Variants in KIAA0232 observed in about 807,000 individuals in gnomAD.
KIAA0232 encodes uncharacterized protein KIAA0232.
In KIAA0232, 27 loss-of-function variants were observed where a neutral mutation model predicts 122.0. The ratio of observed to expected loss-of-function variants is 0.22; its 90% CI spans 0.16 to 0.31. The LOEUF is 0.31. Ranked by LOEUF, KIAA0232 falls within the 10% of genes least tolerant of loss-of-function variation. The pLI is 1.00. For synonymous variants in KIAA0232, 613 were observed against 587.6 expected (o/e 1.04, Z -0.63); for missense variants, 1,551 against 1,634.2 (o/e 0.95, Z 0.88).
chr4:6,881,718 A>C lies in KIAA0232; in HGVS notation c.*752A>C, dbSNP rs1332430702. 1 of 152,612 alleles carries C rather than the reference A, an allele frequency of 6.6e-6. No homozygotes were observed. Among genetic ancestry groups the C allele is most frequent in the African/African-American group, 2.4e-5 (1 of 41,434 alleles). The allele number at this position is 152,612 out of a possible 1,614,324, so 9.5% of individuals were successfully genotyped here. ...CCTTACCTGCTCTCATACTGCAGTT[A>C]CATTTACACCAAAACCCCATGCAGG... On this transcript the variant is annotated 3_prime_UTR_variant, in exon 10 of 10. Transcript: ENST00000307659.
At chr4:6,831,231 T>G (rs1217774533) in intron 3 of KIAA0232, among the ~76,000 whole-genome samples, 2 of 151,950 alleles carry the variant, frequency 1.3e-5, no homozygotes, top group Non-Finnish European at 2.9e-5. Flanking sequence ...AATTTTTGTA[T>G]TTTTAGTGGA....
chr4:6,787,659 C>G (rs1170224812), intron 1 of KIAA0232, among the ~76,000 whole-genome samples: 1 of 152,116 alleles, frequency 6.6e-6, no homozygotes, highest in Non-Finnish European at 1.5e-5. Context: ...TTTCCTCTGC[C>G]CCTACCCTCC....
rs139371165 is a variant in KIAA0232, at chr4:6,867,446, C to T, written c.3801+3263C>T. ...CACGGTCTCTGGAGTATAAGCCATA[C>T]GGTTAAGAGTAGCACAGATGAAGCA... On this transcript the variant is annotated intron_variant, in intron 7 of 9. Transcript: ENST00000307659. Among the ~76,000 whole-genome samples the T allele has an allele frequency of 1.0e-3, 153 of 152,320 alleles. 1 individual carries two copies. Among genetic ancestry groups the T allele is most frequent in the African/African-American group, 3.4e-3 (141 of 41,568 alleles).
chr4:6,879,984 CCTTCCCAACACACAGGTCTGTAGTGTCG>C (rs1484738778), intron 9 of KIAA0232, among the ~76,000 whole-genome samples: 1 of 103,612 alleles, frequency 9.7e-6, no homozygotes, highest in African/African-American at 3.7e-5. Flanking sequence ...CTGCAAACTC[CCTTCCCAACACACAGGTCTGTAGTGTCG>C]CCTCACCATC....
Position 6,863,417 on chromosome 4 carries a change from G to C in KIAA0232, c.3035G>C (p.Gly1012Ala). 6.2e-7 allele frequency: 1 copy of C among 1,614,054 alleles called. No homozygotes were observed. The highest frequency in any genetic ancestry group is 8.5e-7 in the Non-Finnish European group (1 of 1,180,020). The part of the protein sequence containing the change: ...PKSGENGLNK[G>A]FSFIFHEDLL... ...AGTGGGGAAAATGGGTTAAATAAGG[G>C]ATTTTCTTTTATCTTCCATGAAGAC... Residue 1012 changes from glycine to alanine, a missense_variant, in exon 7 of 10, where the codon GGA becomes GCA. Gly to Ala is a moderately conservative substitution (Grantham distance 60). Coordinates refer to ENST00000307659, the MANE Select transcript of KIAA0232 (RefSeq NM_014743.3).
intron 8 of KIAA0232, 81 bp from the exon 9 acceptor site, chr4:6,876,579 C>G: frequency 1.0e-6 from 1 of 995,170 alleles, no homozygotes; most frequent in Non-Finnish European, 1.6e-6. Flanking sequence ...AAAAATGAAA[C>G]AAGAATGTAT....
intron 1 of KIAA0232, among the ~76,000 whole-genome samples, chr4:6,803,204 CATATATATATATAT>C (rs34234535): frequency 7.1e-6 from 1 of 141,568 alleles, no homozygotes; most frequent in Admixed American, 7.2e-5. Flanking sequence ...AAAATGAGTG[CATATATATATATAT>C]ATATATATAT....
intron 2 of KIAA0232, among the ~76,000 whole-genome samples, chr4:6,807,881 A>G (rs1487171686): frequency 6.6e-6 from 1 of 152,200 alleles, no homozygotes; most frequent in Non-Finnish European, 1.5e-5. Context: ...CAGCCTGGCC[A>G]ACATGGTGAA....
At chr4:6,847,846 C>G (rs1160786455) in intron 4 of KIAA0232, among the ~76,000 whole-genome samples, 1 of 105,448 alleles carries the variant, frequency 9.5e-6, no homozygotes, top group Non-Finnish European at 2.1e-5. Flanking sequence ...ATGCAAACCA[C>G]TCTTCATTTC....
intron 3 of KIAA0232, among the ~76,000 whole-genome samples, chr4:6,841,476 C>G (rs1176211790): frequency 1.3e-5 from 2 of 152,196 alleles, no homozygotes; most frequent in South Asian, 2.1e-4. Context: ...TTCAGTTAAA[C>G]TCATGCTTGT....
chr4:6,830,689 G>C (rs78598592), intron 3 of KIAA0232, among the ~76,000 whole-genome samples: 2 of 152,216 alleles, frequency 1.3e-5, no homozygotes, highest in Non-Finnish European at 1.5e-5. Context: ...TTATAGGTGT[G>C]AGCTGCCATG....
intron 3 of KIAA0232, among the ~76,000 whole-genome samples, chr4:6,840,318 C>A (rs1055181725): frequency 6.6e-6 from 1 of 152,140 alleles, no homozygotes; most frequent in East Asian, 1.9e-4. Flanking sequence ...TGGCCACGTG[C>A]CTCTCTCTGA....
At chr4:6,784,978 C>T (rs112174857) in intron 1 of KIAA0232, among the ~76,000 whole-genome samples, 17 of 150,626 alleles carry the variant, frequency 1.1e-4, no homozygotes, top group Admixed American at 9.2e-4. Context: ...CTCGCTCTGC[C>T]GCCCAGGCTG....
chr4:6,872,851 G>T (rs531188980), intron 8 of KIAA0232, among the ~76,000 whole-genome samples: 3 of 152,234 alleles, frequency 2.0e-5, no homozygotes, highest in Admixed American at 6.5e-5. Context: ...GGCAGCATGG[G>T]CTATAGCTGA....
chr4:6,877,223 C>T (rs1321545102), intron 9 of KIAA0232, among the ~76,000 whole-genome samples: 3 of 152,164 alleles, frequency 2.0e-5, no homozygotes, highest in South Asian at 4.1e-4. Context: ...TTTCCGTGTC[C>T]TCCTGCACTC....
At chr4:6,796,667 T>A (rs1717147828) in intron 1 of KIAA0232, among the ~76,000 whole-genome samples, 1 of 152,242 alleles carries the variant, frequency 6.6e-6, no homozygotes, top group African/African-American at 2.4e-5. Flanking sequence ...ACACAGTTAG[T>A]GCAAGAAGGT....
intron 3 of KIAA0232, among the ~76,000 whole-genome samples, chr4:6,840,480 T>G (rs1719586812): frequency 1.3e-5 from 2 of 152,046 alleles, no homozygotes; most frequent in Non-Finnish European, 2.9e-5. Context: ...GGCGTGTGCT[T>G]TTTCTCCCCC....
Position 6,853,751 on chromosome 4 carries a change from G to A in KIAA0232, c.370-3413G>A, listed in dbSNP as rs150034263. ...TCAAATTGCCTTTCTTTTACTTTAC[G>A]CTTAATAACTAAGGTCCAAGTTGAG... On this transcript the variant is annotated intron_variant, in intron 4 of 9. Transcript: ENST00000307659. Among the ~76,000 whole-genome samples the A allele has an allele frequency of 3.9e-5, 6 of 152,280 alleles. No homozygotes were observed. In the East Asian group the frequency reaches 7.7e-4, roughly 20 times the overall value.
chr4:6,788,892 T>C (rs1716752355), intron 1 of KIAA0232, among the ~76,000 whole-genome samples: 1 of 152,234 alleles, frequency 6.6e-6, no homozygotes, highest in Non-Finnish European at 1.5e-5. Context: ...GTTAATTGTA[T>C]ATGCTAGTTT....
Sources: allele counts gnomAD v4.1 joint callset (sites outside exome capture counted in the v4.1 genomes callset), GRCh38; gene constraint gnomAD v4.1.1; transcripts MANE v1.5; gene names NCBI Gene and HGNC (gene_info 2026-07-23, HGNC 2026-07-21).